NT5C: variants seen among roughly 807,000 people sequenced by gnomAD.
NT5C encodes the protein 5'(3')-deoxyribonucleotidase, cytosolic type.
NT5C carries 14 observed loss-of-function variants against 17.6 expected under a neutral mutation model. That is an observed-to-expected ratio of 0.79 (90% CI 0.52 to 1.24). NT5C has a LOEUF of 1.24. Ranked by LOEUF, NT5C falls within the 50% of genes most tolerant of loss-of-function variation. The pLI, the probability that NT5C is intolerant of heterozygous loss-of-function variation, is 0.00. For missense variants in NT5C, 328 were observed against 278.3 expected (o/e 1.18, Z -1.27); for synonymous variants, 153 against 119.2 (o/e 1.28, Z -1.85).
chr17:75,130,682 GTAT>G, intron 4 of NT5C, 40 bp from the exon 5 acceptor site: 1 of 1,613,906 alleles, frequency 6.2e-7, no homozygotes, highest in Non-Finnish European at 8.5e-7. Context: ...TCTGTCATGG[GTAT>G]TATTACTCCC....
chr17:75,131,346 G>A, intron 1 of NT5C, 65 bp from the exon 2 acceptor site: 7 of 1,546,278 alleles, frequency 4.5e-6, no homozygotes, highest in Non-Finnish European at 5.3e-6. Flanking sequence ...GAGGCTCCTG[G>A]GGGCTCCGGG....
intron 4 of NT5C, 52 bp from the exon 5 acceptor site, chr17:75,130,694 C>T (rs761143600): frequency 6.2e-7 from 1 of 1,613,898 alleles, no homozygotes; most frequent in Middle Eastern, 1.7e-4. Flanking sequence ...ATTATTACTC[C>T]CTCTCCCTAA....
At chr17:75,130,729 G>A (rs562746759) in intron 4 of NT5C, 24 bp downstream of exon 4, 45 of 1,613,538 alleles carry the variant, frequency 2.8e-5, no homozygotes, top group African/African-American at 1.3e-5. Context: ...AGGCCTGGAG[G>A]CTGCCAAGGA....
Position 75,130,240 on chromosome 17 carries a change from G to A in NT5C, c.*248C>T, listed in dbSNP as rs1283013849. 1.1e-5 allele frequency: 6 copies of A among 533,472 alleles called. No homozygotes were observed. Among genetic ancestry groups the A allele is most frequent in the South Asian group, 4.6e-5 (2 of 43,062 alleles). The allele number at this position is 533,472 out of a possible 1,614,324, so 33.0% of individuals were successfully genotyped here. ...GGTCCTAGAAGACTAGAAAGCCAAG[G>A]TCTTTTATTAAAGGTCCCGACTGGT... On this transcript the variant is annotated 3_prime_UTR_variant, in exon 5 of 5. Transcript: ENST00000245552.
At position 75,130,422 on chromosome 17, in the gene NT5C, G is replaced by GCT; in HGVS notation, c.*64_*65dup. 6.3e-7 allele frequency: 1 copy of GCT among 1,584,790 alleles called. No individual in the cohort carries two copies. Among genetic ancestry groups the GCT allele is most frequent in the East Asian group, 2.2e-5 (1 of 44,682 alleles). On this transcript the variant is annotated 3_prime_UTR_variant, in exon 5 of 5. Coordinates refer to ENST00000245552, the MANE Select transcript of NT5C (RefSeq NM_014595.3). ...ACCAGCACGATGCCGCCCCGACTCG[G>GCT]CTCTGCGGTGGCCCCTGTGGGCCTG...
Position 75,130,866 on chromosome 17 carries a change from T to C in NT5C, c.338A>G (p.Tyr113Cys). The C allele has an allele frequency of 6.2e-7, 1 of 1,613,878 alleles. No homozygotes were observed. Among genetic ancestry groups the C allele is most frequent in the East Asian group, 2.2e-5 (1 of 44,878 alleles). ...CCCCAGGTGCTGCTCCACCCAGCGG[T>C]ACTGTGTAGAAAACACAGTCTGTGA... ...LKYHHCVGEK[Y>C]RWVEQHLGPQ... The change falls in exon 4 of 5, where the codon TAC becomes TGC. Residue 113 changes from tyrosine to cysteine, a missense_variant and splice_region_variant. Tyr to Cys is a radical substitution (Grantham distance 194, BLOSUM62 -2). Transcript: ENST00000245552.
Position 75,130,541 on chromosome 17 carries a change from C to CA in NT5C, c.552dup (p.Asp185Ter), listed in dbSNP as rs765497446. The CA allele has an allele frequency of 5.0e-6, 8 of 1,614,102 alleles. No homozygotes were observed. Among genetic ancestry groups the CA allele is most frequent in the Non-Finnish European group, 6.8e-6 (8 of 1,180,042 alleles). ...CTATCTAAGATCTCCCTCCAGTTGTCACTCCAGGAGAGCAGCCGTCTCCTT... is the reference window on the plus strand; with the variant it reads ...CTATCTAAGATCTCCCTCCAGTTGTCAACTCCAGGAGAGCAGCCGTCTCCTT... On this transcript the variant is annotated frameshift_variant, in exon 5 of 5. Coordinates refer to ENST00000245552, the MANE Select transcript of NT5C (RefSeq NM_014595.3). LOFTEE classifies it high-confidence loss of function.
At chr17:75,130,904 G>A (rs368033898) in intron 3 of NT5C, 37 bp from the exon 4 acceptor site, 2 of 1,613,488 alleles carry the variant, frequency 1.2e-6, no homozygotes, top group African/African-American at 2.7e-5. Flanking sequence ...AGGGCCTGAT[G>A]GAAGCCGGAA....
rs146826602 is a variant in NT5C, at chr17:75,130,839, G to A, written c.365C>T (p.Pro122Leu). Reference protein sequence around the residue: ...KYRWVEQHLGPQFVERIILTR... With the variant: ...KYRWVEQHLGLQFVERIILTR... ...CAGGATAATTCGTTCTACGAACTGG[G>A]GCCCCAGGTGCTGCTCCACCCAGCG... The change falls in exon 4 of 5, where the codon CCC becomes CTC. Residue 122 changes from proline to leucine, a missense_variant. Physicochemically the swap from Pro to Leu is moderately conservative, Grantham distance 98 (BLOSUM62 -3). Transcript: ENST00000245552. 218 of 1,614,132 alleles carry A rather than the reference G, an allele frequency of 1.4e-4. 1 individual carries two copies. In the African/African-American group the frequency reaches 2.5e-3, roughly 19 times the overall value.
Position 75,131,168 on chromosome 17 carries a change from C to G in NT5C, c.275+13G>C, listed in dbSNP as rs779190590. The G allele has an allele frequency of 8.1e-6, 13 of 1,613,114 alleles. No individual in the cohort carries two copies. The highest frequency in any genetic ancestry group is 5.0e-5 in the Admixed American group (3 of 60,032). Reference sequence around the variant, plus strand: ...GCCCGCCCAGGACTCCGCCCGCCCCCCTCTCTCCTTACTCCGGTAGGTCGT... The same window carrying G: ...GCCCGCCCAGGACTCCGCCCGCCCCGCTCTCTCCTTACTCCGGTAGGTCGT... On this transcript the variant is annotated intron_variant, in intron 2 of 4. Coordinates refer to ENST00000245552, the MANE Select transcript of NT5C (RefSeq NM_014595.3).
chr17:75,130,885 T>A lies in NT5C; in HGVS notation c.337-18A>T, dbSNP rs1319841396. ...CAGCGGTACTGTGTAGAAAACACAG[T>A]CTGTGAGTAGGGCCTGATGGAAGCC... On this transcript the variant is annotated intron_variant, in intron 3 of 4. Coordinates refer to ENST00000245552, the MANE Select transcript of NT5C (RefSeq NM_014595.3). The A allele has an allele frequency of 6.2e-7, 1 of 1,613,898 alleles. No individual in the cohort carries two copies. Among genetic ancestry groups the A allele is most frequent in the Non-Finnish European group, 8.5e-7 (1 of 1,179,880 alleles).
intron 3 of NT5C, 73 bp downstream of exon 3, chr17:75,130,972 G>A (rs1351865687): frequency 6.3e-6 from 10 of 1,599,288 alleles, no homozygotes; most frequent in East Asian, 2.3e-5. Flanking sequence ...CACCTTCTGG[G>A]TTTCTGGTGG....
At chr17:75,131,315 G>A in intron 1 of NT5C, 34 bp from the exon 2 acceptor site, 1 of 1,602,618 alleles carries the variant, frequency 6.2e-7, no homozygotes, top group Non-Finnish European at 8.5e-7. Flanking sequence ...CCGGCTTCCC[G>A]TTCCCGCGAG....
intron 4 of NT5C, 35 bp downstream of exon 4, chr17:75,130,718 G>C: frequency 6.2e-7 from 1 of 1,612,888 alleles, no homozygotes; most frequent in Non-Finnish European, 8.5e-7. Flanking sequence ...GGGCAGGCCA[G>C]AGGCCTGGAG....
rs1260703901 is a variant in NT5C at position 75,130,838 on chromosome 17, G to C, written c.366C>G (p.Pro122=). The C allele has an allele frequency of 6.2e-7, 1 of 1,614,124 alleles. No homozygotes were observed. Among genetic ancestry groups the C allele is most frequent in the Admixed American group, 1.7e-5 (1 of 60,010 alleles). The change falls in exon 4 of 5, where the codon CCC becomes CCG. Residue 122 remains proline, a synonymous_variant. Coordinates refer to ENST00000245552, the MANE Select transcript of NT5C (RefSeq NM_014595.3). The part of the protein sequence containing the change: ...KYRWVEQHLG[P]QFVERIILTR... Reference sequence around the variant, plus strand: ...TCAGGATAATTCGTTCTACGAACTGGGGCCCCAGGTGCTGCTCCACCCAGC... The same window carrying C: ...TCAGGATAATTCGTTCTACGAACTGCGGCCCCAGGTGCTGCTCCACCCAGC...
In NT5C at chr17:75,131,609, C is replaced by A; in HGVS notation, c.99G>T (p.Glu33Asp). The change falls in exon 1 of 5, where the codon GAG becomes GAT. Residue 33 changes from glutamate (E) to aspartate (D), a missense_variant. Physicochemically the swap from Glu to Asp is conservative, Grantham distance 45 (BLOSUM62 2). Coordinates refer to ENST00000245552, the MANE Select transcript of NT5C (RefSeq NM_014595.3). Reference sequence around the variant, plus strand: ...GGCGTTGCTCCAGCGGCACGTGCGGCTCCTCAGGGAAGCGGCGGCGGAAGC... The same window carrying A: ...GGCGTTGCTCCAGCGGCACGTGCGGATCCTCAGGGAAGCGGCGGCGGAAGC... ...LRGFRRRFPE[E>D]PHVPLEQRRG... The A allele has an allele frequency of 7.2e-7, 1 of 1,397,272 alleles. No individual in the cohort carries two copies. Among genetic ancestry groups the A allele is most frequent in the South Asian group, 1.6e-5 (1 of 63,992 alleles). The allele number at this position is 1,397,272 out of a possible 1,614,324, so 86.6% of individuals were successfully genotyped here.
Position 75,131,288 on chromosome 17 carries a change from G to A in NT5C, c.175-7C>T. The A allele has an allele frequency of 1.2e-6, 2 of 1,613,388 alleles. No individual in the cohort carries two copies. The highest frequency in any genetic ancestry group is 1.1e-5 in the South Asian group (1 of 91,050). The stretch of plus-strand genomic sequence containing the variant: ...ACACACTGGCCACTTTATCCTGAAA[G>A]ACAAGAGTTCTGGGTCCCGGCTTCC... On this transcript the variant is annotated splice_region_variant and splice_polypyrimidine_tract_variant and intron_variant, in intron 1 of 4. Transcript: ENST00000245552.
rs201374800 is a variant in NT5C, at chr17:75,130,813, T to C, written c.391A>G (p.Thr131Ala). The C allele has an allele frequency of 5.0e-6, 8 of 1,614,118 alleles. No individual in the cohort carries two copies. The Admixed American group carries it at 1.0e-4, about 20-fold the overall frequency. ...GPQFVERIIL[T>A]RDKTVVLGDL... is the part of the protein sequence containing the mutation. ...CCCAAGACCACCGTCTTGTCCCTTG[T>C]CAGGATAATTCGTTCTACGAACTGG... Residue 131 changes from threonine to alanine, a missense_variant, in exon 4 of 5, where the codon ACA becomes GCA. Transcript: ENST00000245552.
chr17:75,131,017 G>A, intron 3 of NT5C, 28 bp downstream of exon 3: 7 of 1,609,720 alleles, frequency 4.3e-6, no homozygotes, highest in South Asian at 1.1e-5. Context: ...GCAGCTCCAC[G>A]TGCGGAGTAG....
Sources: gnomAD v4.1 joint callset for allele counts on GRCh38, gnomAD v4.1.1 for gene constraint, MANE v1.5 for transcripts, NCBI Gene and HGNC (gene_info 2026-07-23, HGNC 2026-07-21) for gene names.